RIMS1: variants seen among roughly 807,000 people sequenced by gnomAD.
RIMS1 encodes the protein regulating synaptic membrane exocytosis 1.
RIMS1 carries 83 observed loss-of-function variants against 214.1 expected under a neutral mutation model. The observed-to-expected ratio is 0.39, with a 90% CI of 0.32 to 0.47. RIMS1 has a LOEUF of 0.47. Among genes scored for constraint, RIMS1 ranks in the 20% least tolerant of loss-of-function variants. The pLI, the probability that RIMS1 is intolerant of heterozygous loss-of-function variation, is 0.99. For synonymous variants in RIMS1, 793 were observed against 786.8 expected (o/e 1.01, Z -0.13); for missense variants, 2,050 against 2,161.8 (o/e 0.95, Z 1.03).
At chr6:72,255,311 A>T (rs1043128818) in intron 16 of RIMS1, among the ~76,000 whole-genome samples, 1 of 152,182 alleles carries the variant, frequency 6.6e-6, no homozygotes, top group African/African-American at 2.4e-5. Context: ...ATTTGTTTAG[A>T]TATGGAAGTC....
At chr6:71,912,034 C>T (rs543299631) in intron 1 of RIMS1, among the ~76,000 whole-genome samples, 64 of 152,152 alleles carry the variant, frequency 4.2e-4, no homozygotes, top group Non-Finnish European at 7.7e-4. Context: ...ATTTTTACTG[C>T]TTTTCTGTGG....
intron 28 of RIMS1, among the ~76,000 whole-genome samples, chr6:72,331,234 T>G (rs562387593): frequency 6.6e-6 from 1 of 151,918 alleles, no homozygotes; most frequent in Admixed American, 6.6e-5. Context: ...CAATGGTGTT[T>G]TTTTGTGACT....
At chr6:72,018,448 G>C (rs1441613433) in intron 2 of RIMS1, among the ~76,000 whole-genome samples, 1 of 152,070 alleles carries the variant, frequency 6.6e-6, no homozygotes, top group African/African-American at 2.4e-5. Flanking sequence ...CTTGATTTTA[G>C]ACACGATAAA....
At chr6:72,305,093 CTT>C (rs2095027301) in intron 26 of RIMS1, among the ~76,000 whole-genome samples, 1 of 151,816 alleles carries the variant, frequency 6.6e-6, no homozygotes, top group Admixed American at 6.6e-5. Context: ...TATTACCAGT[CTT>C]TTTATGATTT....
At chr6:72,330,383 G>C (rs2096619006) in intron 28 of RIMS1, among the ~76,000 whole-genome samples, 1 of 151,690 alleles carries the variant, frequency 6.6e-6, no homozygotes, top group South Asian at 2.1e-4. Flanking sequence ...AGAAGGGGGG[G>C]ATCAAAAGGA....
intron 4 of RIMS1, among the ~76,000 whole-genome samples, chr6:72,113,212 G>C (rs753003621): frequency 6.6e-6 from 1 of 151,984 alleles, no homozygotes; most frequent in Non-Finnish European, 1.5e-5. Context: ...TTTAGTTTAG[G>C]GTTCTCTGGG....
intron 2 of RIMS1, among the ~76,000 whole-genome samples, chr6:72,096,095 C>T (rs186391705): frequency 5.9e-5 from 9 of 152,300 alleles, no homozygotes; most frequent in Admixed American, 5.2e-4. Context: ...ACTTTAATCA[C>T]ATTAAATGTG....
intron 4 of RIMS1, among the ~76,000 whole-genome samples, chr6:72,112,503 A>G (rs1456621123): frequency 1.3e-5 from 2 of 152,080 alleles, no homozygotes; most frequent in Admixed American, 6.6e-5. Context: ...ACACATACAC[A>G]CATCCTCTCC....
At chr6:71,903,596 C>G (rs1437780757) in intron 1 of RIMS1, among the ~76,000 whole-genome samples, 1 of 152,064 alleles carries the variant, frequency 6.6e-6, no homozygotes, top group East Asian at 1.9e-4. Context: ...TTTTTTGCAA[C>G]CTATCAATCT....
intron 23 of RIMS1, among the ~76,000 whole-genome samples, chr6:72,280,142 C>T (rs1298681089): frequency 1.3e-5 from 2 of 151,556 alleles, no homozygotes; most frequent in African/African-American, 4.8e-5. Context: ...AATGATAATA[C>T]TCAAAATATT....
At chr6:72,102,806 A>C (rs2033904936) in intron 4 of RIMS1, among the ~76,000 whole-genome samples, 1 of 152,114 alleles carries the variant, frequency 6.6e-6, no homozygotes, top group Admixed American at 6.6e-5. Context: ...ATTAAAGGCA[A>C]CCAAGAAAAA....
intron 22 of RIMS1, among the ~76,000 whole-genome samples, chr6:72,271,286 A>AAAATATATAT (rs1417580438): frequency 2.3e-3 from 100 of 44,298 alleles, no homozygotes; most frequent in Non-Finnish European, 2.8e-3. Flanking sequence ...AAAAAAAAAA[A>AAAATATATAT]ATATATATAT....
intron 4 of RIMS1, among the ~76,000 whole-genome samples, chr6:72,119,681 T>C (rs929008750): frequency 3.3e-5 from 5 of 151,652 alleles, no homozygotes; most frequent in Non-Finnish European, 7.4e-5. Context: ...TACTTTAAGT[T>C]CTAGGGTACA....
chr6:72,398,861 A>G (rs1289737758), intron 32 of RIMS1, 94 bp from the exon 33 acceptor site: 4 of 729,992 alleles, frequency 5.5e-6, no homozygotes, highest in Non-Finnish European at 8.7e-6. Flanking sequence ...AACTTTCAGT[A>G]AGCATCTCTA....
intron 1 of RIMS1, among the ~76,000 whole-genome samples, chr6:71,949,674 C>A (rs1298259533): frequency 6.6e-6 from 1 of 152,180 alleles, no homozygotes; most frequent in Non-Finnish European, 1.5e-5. Context: ...GTTGTCAAGT[C>A]ATCATGTGGT....
chr6:72,230,296 A>T (rs1204407411), intron 6 of RIMS1, among the ~76,000 whole-genome samples: 3 of 151,728 alleles, frequency 2.0e-5, no homozygotes, highest in Non-Finnish European at 3.0e-5. Context: ...GATGTTAAAA[A>T]TATGCTGCAT....
intron 26 of RIMS1, among the ~76,000 whole-genome samples, chr6:72,306,817 AGCT>A (rs1485441055): frequency 6.6e-6 from 1 of 152,160 alleles, no homozygotes; most frequent in Non-Finnish European, 1.5e-5. Flanking sequence ...GACTACTGTT[AGCT>A]GAGGGTGTTA....
intron 6 of RIMS1, among the ~76,000 whole-genome samples, chr6:72,215,365 CAT>C: frequency 6.6e-6 from 1 of 152,318 alleles, no homozygotes; most frequent in East Asian, 1.9e-4. Flanking sequence ...CAAAAACTGA[CAT>C]AACTTTGAAG....
At chr6:72,228,681 T>C (rs1220919896) in intron 6 of RIMS1, among the ~76,000 whole-genome samples, 1 of 151,846 alleles carries the variant, frequency 6.6e-6, no homozygotes, top group East Asian at 1.9e-4. Context: ...TAAGAAGTGG[T>C]ATTGCTAGAC....
Sources: gnomAD v4.1 joint callset for allele counts (sites outside exome capture counted in the v4.1 genomes callset) on GRCh38, gnomAD v4.1.1 for gene constraint, MANE v1.5 for transcripts, NCBI Gene and HGNC (gene_info 2026-07-23, HGNC 2026-07-21) for gene names.